CARMIL1: variants seen among roughly 807,000 people sequenced by gnomAD.
CARMIL1 encodes capping protein regulator and myosin 1 linker 1, also known as F-actin-uncapping protein LRRC16A.
In CARMIL1, 90 loss-of-function variants were observed where a neutral mutation model predicts 177.1. That is an observed-to-expected ratio of 0.51 (90% CI 0.43 to 0.61). The LOEUF (loss-of-function observed/expected upper bound fraction) is 0.61, where lower values mean the gene tolerates loss of function less well. CARMIL1 is among the 20% of genes least tolerant of loss of function. The pLI is 0.00. For synonymous variants in CARMIL1, 577 were observed against 606.2 expected (o/e 0.95, Z 0.71); for missense variants, 1,380 against 1,667.0 (o/e 0.83, Z 3.00).
intron 35 of CARMIL1, among the ~76,000 whole-genome samples, chr6:25,606,922 A>G (rs974101091): frequency 6.6e-6 from 1 of 152,192 alleles, no homozygotes; most frequent in South Asian, 2.1e-4. Flanking sequence ...CTATTAGTTT[A>G]GAAAATCTAA....
At chr6:25,317,102 A>C (rs1225817211) in intron 2 of CARMIL1, among the ~76,000 whole-genome samples, 1 of 152,102 alleles carries the variant, frequency 6.6e-6, no homozygotes, top group African/African-American at 2.4e-5. Context: ...CCATGGGAGA[A>C]GTTTCTCTCA....
chr6:25,619,694 CTT>C lies in CARMIL1; in HGVS notation c.*112_*113del. The C allele has an allele frequency of 1.4e-6, 1 of 715,502 alleles. No individual in the cohort carries two copies. Among genetic ancestry groups the C allele is most frequent in the Non-Finnish European group, 1.9e-6 (1 of 519,708 alleles). 44.3% of individuals were successfully genotyped at this position (715,502 alleles called of 1,614,324 possible). A position where few individuals can be genotyped will look rare whatever the true frequency, so the allele number is the denominator to read the frequency against. The stretch of plus-strand genomic sequence containing the variant: ...CGTTCTTCTCTGGGTGCTTTATTCT[CTT>C]CTTTTTCTTTATTTCGCCCCCACCC... On this transcript the variant is annotated 3_prime_UTR_variant, in exon 37 of 37. Transcript: ENST00000329474.
intron 24 of CARMIL1, among the ~76,000 whole-genome samples, chr6:25,529,584 T>A (rs1807514247): frequency 6.6e-6 from 1 of 151,670 alleles, no homozygotes; most frequent in Non-Finnish European, 1.5e-5. Context: ...CAGAGAGCTT[T>A]AAAAAAAATT....
chr6:25,419,331 C>G (rs906622184), intron 2 of CARMIL1, among the ~76,000 whole-genome samples: 7 of 152,178 alleles, frequency 4.6e-5, no homozygotes, highest in African/African-American at 1.7e-4. Context: ...TTGGAGTTTT[C>G]TTTCTTTATT....
rs772567683 is a variant in CARMIL1 at position 25,606,209 on chromosome 6, C to T, written c.3783C>T (p.Ser1261=). The part of the protein sequence containing the change: ...TPTSPKPLLQ[S]PKPSLAARPV... ...CGAGCCCGAAGCCCCTCCTGCAGTC[C>T]CCCAAACCCAGTCTGGCAGCACGGC... Residue 1261 remains serine (S), a synonymous_variant, in exon 35 of 37, where the codon TCC becomes TCT. Transcript: ENST00000329474. 1 of 1,613,950 alleles carries T rather than the reference C, an allele frequency of 6.2e-7. No individual in the cohort carries two copies. Among genetic ancestry groups the T allele is most frequent in the South Asian group, 1.1e-5 (1 of 91,070 alleles).
At chr6:25,384,409 A>G (rs531928833) in intron 2 of CARMIL1, among the ~76,000 whole-genome samples, 7 of 152,364 alleles carry the variant, frequency 4.6e-5, no homozygotes, top group Admixed American at 2.0e-4. Context: ...AATTCTAATT[A>G]TATAGTAGTT....
chr6:25,449,991 C>T lies in CARMIL1; in HGVS notation c.465C>T (p.Pro155=). The change falls in exon 6 of 37, where the codon CCC becomes CCT. Residue 155 remains proline (P), a synonymous_variant. Transcript: ENST00000329474. ...GCCAGACCGTGGCTGAGCAGGGCCC[C>T]TGTGGTGAGCATGCATTTTAAAACT... The part of the protein sequence containing the change: ...WDSQTVAEQG[P]CGGFSQMYAC... The T allele has an allele frequency of 6.3e-7, 1 of 1,598,562 alleles. No individual in the cohort carries two copies. The highest frequency in any genetic ancestry group is 1.1e-5 in the South Asian group (1 of 89,088).
At position 25,619,598 on chromosome 6, in the gene CARMIL1, GA is replaced by G. The variant is rs1263366904; in HGVS notation, c.*17del. 1 of 1,611,898 alleles carries G rather than the reference GA, an allele frequency of 6.2e-7. No homozygotes were observed. The highest frequency in any genetic ancestry group is 8.5e-7 in the Non-Finnish European group (1 of 1,178,916). On this transcript the variant is annotated 3_prime_UTR_variant, in exon 37 of 37. Coordinates refer to ENST00000329474, the MANE Select transcript of CARMIL1 (RefSeq NM_017640.6). ...TTTTTGTGTAAAGGTCACCCACGCA[GA>G]AGTCTTCCTGTGCAGGGTGCTTTGG...
intron 16 of CARMIL1, among the ~76,000 whole-genome samples, chr6:25,497,011 G>C (rs1409263899): frequency 6.6e-6 from 1 of 152,154 alleles, no homozygotes; most frequent in African/African-American, 2.4e-5. Context: ...TCTTGGACCT[G>C]ATGTTATTGG....
intron 33 of CARMIL1, among the ~76,000 whole-genome samples, chr6:25,603,085 G>C (rs191032266): frequency 7.6e-4 from 116 of 152,324 alleles, no homozygotes; most frequent in Non-Finnish European, 1.3e-3. Flanking sequence ...ACAACTCCCA[G>C]GATTGCTTTA....
chr6:25,572,602 G>C (rs1812185849), intron 29 of CARMIL1, among the ~76,000 whole-genome samples: 1 of 149,402 alleles, frequency 6.7e-6, no homozygotes, highest in South Asian at 2.2e-4. Flanking sequence ...TCAGGAGGCT[G>C]AAGTGGGAAG....
chr6:25,375,567 T>C lies in CARMIL1; in HGVS notation c.139-44547T>C, dbSNP rs546589239. On this transcript the variant is annotated intron_variant, in intron 2 of 36. Transcript: ENST00000329474. ...GGCCAGGGAAATTTTTCTCACCTAT[T>C]TTCTCAAATAAGTTTCCCAAATTTT... Among the ~76,000 whole-genome samples, 264 of 152,232 alleles carry C rather than the reference T, an allele frequency of 1.7e-3. 2 individuals are homozygous for C. Among genetic ancestry groups the C allele is most frequent in the Non-Finnish European group, 1.9e-3 (132 of 68,044 alleles).
intron 2 of CARMIL1, among the ~76,000 whole-genome samples, chr6:25,339,395 G>A (rs2150316702): frequency 6.6e-6 from 1 of 152,296 alleles, no homozygotes; most frequent in South Asian, 2.1e-4. Flanking sequence ...CTTGACACAA[G>A]GTTATTTCTT....
chr6:25,542,728 TAC>T (rs1809046215), intron 26 of CARMIL1, among the ~76,000 whole-genome samples: 1 of 152,186 alleles, frequency 6.6e-6, no homozygotes, highest in Non-Finnish European at 1.5e-5. Context: ...TCATTTTTGA[TAC>T]TTATAATGGA....
chr6:25,594,617 T>A, intron 32 of CARMIL1, 90 bp downstream of exon 32: 1 of 749,088 alleles, frequency 1.3e-6, no homozygotes, highest in Non-Finnish European at 2.2e-6. Context: ...CTAAGTTTCA[T>A]TTTATATATG....
Position 25,604,855 on chromosome 6 carries a change from C to G in CARMIL1, c.3596C>G (p.Ala1199Gly), listed in dbSNP as rs1400896555. 1 of 1,598,706 alleles carries G rather than the reference C, an allele frequency of 6.3e-7. No homozygotes were observed. The part of the protein sequence containing the change: ...DAVSQDSSSP[A>G]LSGVERSDGG... ...GTATCCCAGGATTCTTCCAGCCCAG[C>G]TTTGAGCGGCGTAGAACGGTCGGAT... The change falls in exon 34 of 37, where the codon GCT (alanine) becomes GGT (glycine). Residue 1199 changes from alanine (A) to glycine (G), a missense_variant. Coordinates refer to ENST00000329474, the MANE Select transcript of CARMIL1 (RefSeq NM_017640.6).
intron 35 of CARMIL1, among the ~76,000 whole-genome samples, chr6:25,608,831 A>G (rs1187945330): frequency 6.6e-6 from 1 of 152,204 alleles, no homozygotes; most frequent in East Asian, 1.9e-4. Flanking sequence ...ACGTGCACAG[A>G]CACTCACACG....
chr6:25,503,115 T>C (rs1582170768), intron 17 of CARMIL1, among the ~76,000 whole-genome samples: 1 of 152,234 alleles, frequency 6.6e-6, no homozygotes, highest in African/African-American at 2.4e-5. Context: ...GGAATTCAGG[T>C]CAAATGGTTA....
Position 25,612,327 on chromosome 6 carries a change from A to G in CARMIL1, c.3979+2146A>G, listed in dbSNP as rs552203373. On this transcript the variant is annotated intron_variant, in intron 36 of 36. Coordinates refer to ENST00000329474, the MANE Select transcript of CARMIL1 (RefSeq NM_017640.6). ...TGCTCATTCTGTTTTCTTATCTATT[A>G]TTCATGCTGATTACTTCATTTCCCT... 12 of 152,332 alleles carry G rather than the reference A, an allele frequency of 7.9e-5. 1 individual carries two copies. The South Asian group carries it at 2.3e-3, about 29-fold the overall frequency. 9.4% of individuals were successfully genotyped at this position (152,332 alleles called of 1,614,324 possible). A position where few individuals can be genotyped will look rare whatever the true frequency, so the allele number is the denominator to read the frequency against.
Sources: gnomAD v4.1 joint callset for allele counts (sites outside exome capture counted in the v4.1 genomes callset) on GRCh38, gnomAD v4.1.1 for gene constraint, MANE v1.5 for transcripts, NCBI Gene and HGNC (gene_info 2026-07-23, HGNC 2026-07-21) for gene names.